The following NAV2 variants were observed in gnomAD, a reference collection of about 807,000 sequenced individuals.
NAV2 encodes the protein neuron navigator 2.
In NAV2, 54 loss-of-function variants were observed where a neutral mutation model predicts 223.2. That is an observed-to-expected ratio of 0.24 (90% CI 0.19 to 0.30). The LOEUF (loss-of-function observed/expected upper bound fraction) is 0.30, where lower values mean the gene tolerates loss of function less well. Among genes scored for constraint, NAV2 ranks in the 10% least tolerant of loss-of-function variants. The pLI is 1.00. For missense variants in NAV2, 2,806 were observed against 3,147.5 expected, an observed-to-expected ratio of 0.89 and a Z score of 2.60; for synonymous variants, 1,279 against 1,239.3, an observed-to-expected ratio of 1.03 and a Z score of -0.67.
At chr11:19,611,886 T>C (rs2046656161) in intron 1 of NAV2, among the ~76,000 whole-genome samples, 2 of 152,262 alleles carry the variant, frequency 1.3e-5, no homozygotes, top group South Asian at 2.1e-4. Flanking sequence ...CAGTAAGGAC[T>C]CTGTGTGGGG....
chr11:19,940,728 A>C (rs899524758), intron 8 of NAV2, among the ~76,000 whole-genome samples: 9 of 152,192 alleles, frequency 5.9e-5, no homozygotes, highest in South Asian at 2.1e-4. Context: ...CCCATCTAGC[A>C]ATTAGCCCCA....
chr11:19,608,817 C>T (rs1042615385), intron 1 of NAV2, among the ~76,000 whole-genome samples: 9 of 152,228 alleles, frequency 5.9e-5, no homozygotes, highest in African/African-American at 2.2e-4. Context: ...AGTTGAAAAT[C>T]TAGGTGTCAG....
intron 1 of NAV2, among the ~76,000 whole-genome samples, chr11:19,542,977 CCATGTCACTGGTTGAG>C (rs144627017): frequency 0.017 from 2,529 of 152,316 alleles, 78 homozygotes; most frequent in African/African-American, 0.057. Flanking sequence ...AATAAGGTTT[CCATGTCACTGGTTGAG>C]CATGGGTCCA....
chr11:19,550,858 C>T (rs2044667192), intron 1 of NAV2, among the ~76,000 whole-genome samples: 1 of 152,210 alleles, frequency 6.6e-6, no homozygotes, highest in African/African-American at 2.4e-5. Flanking sequence ...TGGCAACACT[C>T]AAGAGTTACT....
At chr11:19,724,531 T>C (rs2051069251) in intron 1 of NAV2, among the ~76,000 whole-genome samples, 1 of 152,218 alleles carries the variant, frequency 6.6e-6, no homozygotes, top group African/African-American at 2.4e-5. Context: ...GTGTTCTTAA[T>C]TGCTTCATAT....
At chr11:19,942,526 A>G (rs1806901543) in intron 8 of NAV2, among the ~76,000 whole-genome samples, 1 of 152,208 alleles carries the variant, frequency 6.6e-6, no homozygotes. Context: ...AATAAGCAGC[A>G]TTGCCACAAT....
intron 19 of NAV2, among the ~76,000 whole-genome samples, chr11:20,059,805 G>A (rs2058595435): frequency 1.3e-5 from 2 of 152,152 alleles, no homozygotes; most frequent in African/African-American, 4.8e-5. Context: ...ATAGCTATAG[G>A]GAGGAAAAAT....
At position 20,055,950 on chromosome 11, in the gene NAV2, T is replaced by TGAAGAAGGTAAGGAAGGAAAG. The variant is rs749870316; in HGVS notation, c.4831+14_4831+34dup. ...GTTCAGGCTCATTCCGGGATGGGTT[T>TGAAGAAGGTAAGGAAGGAAAG]GAAGAAGGTAAGGAAGGAAAGGAAG... On this transcript the variant is annotated inframe_insertion, in exon 19 of 38. Coordinates refer to ENST00000349880, the MANE Select transcript of NAV2 (RefSeq NM_145117.5). 1.9e-6 allele frequency: 3 copies of TGAAGAAGGTAAGGAAGGAAAG among 1,613,566 alleles called. No homozygotes were observed. The highest frequency in any genetic ancestry group is 2.2e-5 in the East Asian group (1 of 44,866).
chr11:19,358,042 C>A (rs1033751052), intron 1 of NAV2, among the ~76,000 whole-genome samples: 1 of 152,214 alleles, frequency 6.6e-6, no homozygotes, highest in African/African-American at 2.4e-5. Flanking sequence ...TCCTAGGCTA[C>A]TTTGCTCCTA....
rs138365695 is a variant in NAV2, at chr11:19,641,318, C to G, written c.76-191166C>G. On this transcript the variant is annotated intron_variant, in intron 1 of 37. Transcript: ENST00000360655. ...CAATCTAGCAACAAGGCCATCATGT[C>G]TGCCTACGAAATAAGTCTTCAACCT... 1.6e-4 allele frequency among the ~76,000 whole-genome samples: 25 copies of G among 152,290 alleles called. No individual in the cohort carries two copies. In the East Asian group the frequency reaches 4.6e-3, roughly 28 times the overall value.
rs78448201 is a variant in NAV2, at chr11:19,984,566, T to A, written c.2768+319T>A. 7.4e-3 allele frequency among the ~76,000 whole-genome samples: 1,129 copies of A among 152,288 alleles called. 12 individuals carry two copies. Among genetic ancestry groups the A allele is most frequent in the African/African-American group, 0.026 (1,068 of 41,550 alleles). ...AGTTCAGCAGGCCCTAGGGATGTGCTTTACTTCCTCTCTCATTAGCCAGCT... is the reference window on the plus strand; with the variant it reads ...AGTTCAGCAGGCCCTAGGGATGTGCATTACTTCCTCTCTCATTAGCCAGCT... On this transcript the variant is annotated intron_variant, in intron 11 of 37. Transcript: ENST00000349880.
At chr11:19,716,173 T>G (rs1372669494) in intron 1 of NAV2, among the ~76,000 whole-genome samples, 1 of 152,186 alleles carries the variant, frequency 6.6e-6, no homozygotes, top group Non-Finnish European at 1.5e-5. Context: ...AAACAATGAA[T>G]TAAATGGCAA....
intron 1 of NAV2, among the ~76,000 whole-genome samples, chr11:19,587,695 G>C (rs1330748238): frequency 6.6e-6 from 1 of 152,172 alleles, no homozygotes; most frequent in Non-Finnish European, 1.5e-5. Context: ...GTAAGCAATG[G>C]AGCTACAAAG....
chr11:19,636,755 C>A (rs2047514636), intron 1 of NAV2, among the ~76,000 whole-genome samples: 1 of 152,278 alleles, frequency 6.6e-6, no homozygotes, highest in South Asian at 2.1e-4. Flanking sequence ...TAGGCGTGAG[C>A]CACCGCACCC....
chr11:19,818,367 A>T (rs1031058952), intron 1 of NAV2, among the ~76,000 whole-genome samples: 2 of 149,616 alleles, frequency 1.3e-5, no homozygotes, highest in Non-Finnish European at 2.9e-5. Context: ...AAATCCTTCT[A>T]CCAAGACTGA....
chr11:19,526,242 T>C (rs2043839024), intron 1 of NAV2, among the ~76,000 whole-genome samples: 1 of 152,178 alleles, frequency 6.6e-6, no homozygotes, highest in African/African-American at 2.4e-5. Context: ...ATGACTTCAT[T>C]TTTGTCTCTC....
chr11:19,774,171 A>G (rs2055942488), intron 1 of NAV2, among the ~76,000 whole-genome samples: 1 of 152,106 alleles, frequency 6.6e-6, no homozygotes, highest in Non-Finnish European at 1.5e-5. Context: ...AGCCTTGTGC[A>G]TTGTTCTTTT....
intron 4 of NAV2, among the ~76,000 whole-genome samples, chr11:19,878,030 T>G (rs1320084327): frequency 6.6e-6 from 1 of 152,178 alleles, no homozygotes; most frequent in Non-Finnish European, 1.5e-5. Context: ...GGATTAAAGC[T>G]GAATTACCAA....
At chr11:19,403,124 C>T (rs1849756216) in intron 1 of NAV2, among the ~76,000 whole-genome samples, 1 of 152,180 alleles carries the variant, frequency 6.6e-6, no homozygotes, top group Non-Finnish European at 1.5e-5. Flanking sequence ...ATGAGTTAAT[C>T]TCTGCCAAGT....
Sources: gnomAD v4.1 joint callset for allele counts (sites outside exome capture counted in the v4.1 genomes callset) on GRCh38, gnomAD v4.1.1 for gene constraint, MANE v1.5 for transcripts, NCBI Gene and HGNC (gene_info 2026-07-23, HGNC 2026-07-21) for gene names.